LIPA: variants seen among roughly 807,000 people sequenced by gnomAD.
LIPA encodes the protein lysosomal acid lipase/cholesteryl ester hydrolase.
LIPA carries 26 observed loss-of-function variants against 40.6 expected under a neutral mutation model. The ratio of observed to expected loss-of-function variants is 0.64; its 90% CI spans 0.47 to 0.89. LIPA has a LOEUF of 0.89. LIPA is among the 40% of genes least tolerant of loss of function. LIPA has a pLI of 0.00. For missense variants in LIPA, 455 were observed against 479.6 expected, an observed-to-expected ratio of 0.95 and a Z score of 0.48; for synonymous variants, 188 against 168.4, an observed-to-expected ratio of 1.12 and a Z score of -0.90.
chr10:89,370,115 A>G (rs1391630423), intron 2 of LIPA, among the ~76,000 whole-genome samples: 3 of 152,254 alleles, frequency 2.0e-5, no homozygotes, highest in Admixed American at 1.3e-4. Context: ...AATTAATTAA[A>G]ATAAAATCTA....
chr10:89,276,066 T>C (rs1843287712), intron 1 of LIPA, among the ~76,000 whole-genome samples: 1 of 152,184 alleles, frequency 6.6e-6, no homozygotes, highest in Non-Finnish European at 1.5e-5. Flanking sequence ...AAGGTAGAGT[T>C]GTAAAAGGTA....
intron 3 of LIPA, among the ~76,000 whole-genome samples, chr10:89,232,669 G>A (rs560717003): frequency 2.6e-5 from 4 of 152,338 alleles, no homozygotes; most frequent in Middle Eastern, 3.4e-3. Context: ...CAGGACAGAG[G>A]CTGGAAGGGG....
chr10:89,317,591 C>T (rs1210629752), intron 1 of LIPA, among the ~76,000 whole-genome samples: 1 of 152,182 alleles, frequency 6.6e-6, no homozygotes, highest in African/African-American at 2.4e-5. Flanking sequence ...ATACATCTGA[C>T]TGGTGTACCT....
chr10:89,348,829 A>G (rs1843941245), intron 2 of LIPA, among the ~76,000 whole-genome samples: 1 of 152,152 alleles, frequency 6.6e-6, no homozygotes, highest in Admixed American at 6.5e-5. Flanking sequence ...GCAGGCCACT[A>G]AGAAGGAGTC....
intron 1 of LIPA, among the ~76,000 whole-genome samples, chr10:89,267,740 A>C: frequency 6.8e-6 from 1 of 147,368 alleles, no homozygotes; most frequent in South Asian, 2.1e-4. Context: ...AAAAAAAAAA[A>C]AAGAAACTTA....
intron 2 of LIPA, among the ~76,000 whole-genome samples, chr10:89,372,228 C>A (rs1045263325): frequency 2.0e-5 from 3 of 152,212 alleles, no homozygotes; most frequent in Admixed American, 2.0e-4. Context: ...TGGTCCTAGA[C>A]CAAAGCCTTT....
At chr10:89,357,738 T>C (rs1252020033) in intron 2 of LIPA, among the ~76,000 whole-genome samples, 1 of 152,084 alleles carries the variant, frequency 6.6e-6, no homozygotes, top group African/African-American at 2.4e-5. Context: ...CACTCAAAGG[T>C]AGGTAGTAAA....
At chr10:89,284,201 T>C (rs1267794338) in intron 1 of LIPA, 1 of 152,220 alleles carries the variant, frequency 6.6e-6, no homozygotes, top group Admixed American at 6.5e-5. Flanking sequence ...ATTCTGTCCT[T>C]GCAGGCACAT....
chr10:89,384,404 A>C (rs777167526), intron 2 of LIPA: 50 of 1,614,096 alleles, frequency 3.1e-5, no homozygotes, highest in Non-Finnish European at 4.2e-5. Context: ...GAACATTTTC[A>C]GAAAGGGTTA....
upstream of LIPA, among the ~76,000 whole-genome samples, chr10:89,346,994 T>C (rs1589617886): frequency 6.6e-6 from 1 of 152,224 alleles, no homozygotes; most frequent in East Asian, 1.9e-4. Context: ...GCTGCATTGT[T>C]TTTTTCTAAA....
At chr10:89,257,240 C>T (rs1843185967) in intron 1 of LIPA, among the ~76,000 whole-genome samples, 1 of 152,196 alleles carries the variant, frequency 6.6e-6, no homozygotes, top group Non-Finnish European at 1.5e-5. Flanking sequence ...TGTGAGAATA[C>T]TCCCTTTATG....
chr10:89,398,720 T>C (rs1418385822), intron 2 of LIPA, among the ~76,000 whole-genome samples: 3 of 152,378 alleles, frequency 2.0e-5, no homozygotes, highest in African/African-American at 7.2e-5. Context: ...CTTTTCTTTT[T>C]TAAGGCTGAA....
intron 1 of LIPA, among the ~76,000 whole-genome samples, chr10:89,285,995 A>G (rs1256632471): frequency 6.6e-6 from 1 of 152,128 alleles, no homozygotes; most frequent in East Asian, 1.9e-4. Context: ...CACCCGACTT[A>G]AAACCCAAAT....
chr10:89,294,974 T>C (rs1425908845), intron 1 of LIPA, among the ~76,000 whole-genome samples: 3 of 127,852 alleles, frequency 2.3e-5, no homozygotes, highest in Non-Finnish European at 4.8e-5. Context: ...CAAGACTCTG[T>C]CTGAAAAGAA....
chr10:89,338,655 C>T, intron 1 of LIPA: 1 of 1,605,528 alleles, frequency 6.2e-7, no homozygotes, highest in Middle Eastern at 1.7e-4. Flanking sequence ...TTTATTTTCT[C>T]CACAGTGAGG....
intron 1 of LIPA, among the ~76,000 whole-genome samples, chr10:89,329,171 G>T (rs550912224): frequency 3.3e-5 from 5 of 152,252 alleles, no homozygotes; most frequent in Admixed American, 6.5e-5. Context: ...GACCATTCAG[G>T]GGGGCAGAAA....
intron 1 of LIPA, among the ~76,000 whole-genome samples, chr10:89,263,490 T>C (rs1483437872): frequency 6.6e-6 from 1 of 152,196 alleles, no homozygotes. Flanking sequence ...CTATTTGCCA[T>C]GGTAAAAACT....
At chr10:89,394,467 A>G (rs531176091) in intron 2 of LIPA, among the ~76,000 whole-genome samples, 1 of 151,562 alleles carries the variant, frequency 6.6e-6, no homozygotes, top group South Asian at 2.1e-4. Context: ...CTTTAAATCA[A>G]TGTTTCCCAA....
intron 2 of LIPA, among the ~76,000 whole-genome samples, chr10:89,366,630 A>G (rs1844058910): frequency 6.6e-6 from 1 of 152,246 alleles, no homozygotes; most frequent in Non-Finnish European, 1.5e-5. Context: ...GTGAGATACT[A>G]TCTCACACCA....
Sources: gnomAD v4.1 joint callset for allele counts (sites outside exome capture counted in the v4.1 genomes callset) on GRCh38, gnomAD v4.1.1 for gene constraint, MANE v1.5 for transcripts, NCBI Gene and HGNC (gene_info 2026-07-23, HGNC 2026-07-21) for gene names.